CLUAP1: variants seen among roughly 807,000 people sequenced by gnomAD.
CLUAP1 encodes the protein clusterin-associated protein 1.
In CLUAP1, 50 loss-of-function variants were observed where a neutral mutation model predicts 55.0. The observed-to-expected ratio is 0.91, with a 90% CI of 0.72 to 1.15. CLUAP1 has a LOEUF of 1.15. CLUAP1 is among the 50% of genes most tolerant of loss of function. The pLI is 0.00. For missense variants in CLUAP1, 530 were observed against 507.6 expected, an observed-to-expected ratio of 1.04 and a Z score of -0.42; for synonymous variants, 195 against 175.4, an observed-to-expected ratio of 1.11 and a Z score of -0.88.
upstream of CLUAP1, chr16:3,500,974 G>C: frequency 1.5e-6 from 2 of 1,312,362 alleles, no homozygotes; most frequent in Non-Finnish European, 2.1e-6. Flanking sequence ...CCGTCCAAGG[G>C]TCCATTGGTT....
chr16:3,506,137 TGTTTTTCTTAG>T (rs1307251053), intron 2 of CLUAP1, among the ~76,000 whole-genome samples, 183 bp from the exon 3 acceptor site: 1 of 152,234 alleles, frequency 6.6e-6, no homozygotes, highest in Non-Finnish European at 1.5e-5. Flanking sequence ...TTTTGAAATC[TGTTTTTCTTAG>T]GTGGGGATTT....
intron 9 of CLUAP1, 30 bp downstream of exon 9, chr16:3,526,514 T>C: frequency 6.7e-7 from 1 of 1,486,952 alleles, no homozygotes; most frequent in Non-Finnish European, 9.2e-7. Context: ...ACGAGCAGTT[T>C]ACTCTGGACT....
intron 9 of CLUAP1, among the ~76,000 whole-genome samples, chr16:3,526,973 A>G (rs1261871613): frequency 6.6e-6 from 1 of 152,152 alleles, no homozygotes; most frequent in Non-Finnish European, 1.5e-5. Flanking sequence ...GATGGTCCCC[A>G]TGCTGCTGAG....
upstream of CLUAP1, among the ~76,000 whole-genome samples, chr16:3,496,993 C>A (rs1415144702): frequency 1.3e-5 from 2 of 151,792 alleles, no homozygotes; most frequent in African/African-American, 4.8e-5. Flanking sequence ...GCCTCGGCCT[C>A]CCCAGCAGGT....
At chr16:3,511,591 C>A (rs2037625982) in intron 4 of CLUAP1, among the ~76,000 whole-genome samples, 1 of 152,198 alleles carries the variant, frequency 6.6e-6, no homozygotes, top group Non-Finnish European at 1.5e-5. Flanking sequence ...CTCAGGCTGT[C>A]CCTTTGTGTG....
chr16:3,516,425 C>T (rs1311883289), intron 6 of CLUAP1, among the ~76,000 whole-genome samples: 1 of 152,158 alleles, frequency 6.6e-6, no homozygotes, highest in African/African-American at 2.4e-5. Context: ...GTCAGAGCCT[C>T]ACAGCGGGAG....
At chr16:3,501,784 CA>C (rs1209792145) in intron 1 of CLUAP1, among the ~76,000 whole-genome samples, 1 of 150,896 alleles carries the variant, frequency 6.6e-6, no homozygotes, top group Non-Finnish European at 1.5e-5. Flanking sequence ...AAACAAAAAA[CA>C]AACCAAAAAA....
At chr16:3,531,095 C>T (rs535934858) in intron 10 of CLUAP1, among the ~76,000 whole-genome samples, 18 of 152,316 alleles carry the variant, frequency 1.2e-4, no homozygotes, top group African/African-American at 9.6e-5. Context: ...GTGGTGCACA[C>T]CTTATTCCCA....
chr16:3,504,668 A>G, intron 1 of CLUAP1, 52 bp from the exon 2 acceptor site: 6 of 970,904 alleles, frequency 6.2e-6, no homozygotes, highest in Non-Finnish European at 8.4e-6. Flanking sequence ...TAAGTTAATA[A>G]GTAGTTGCTG....
At chr16:3,506,171 T>G (rs1016630818) in intron 2 of CLUAP1, among the ~76,000 whole-genome samples, 160 bp from the exon 3 acceptor site, 1 of 152,228 alleles carries the variant, frequency 6.6e-6, no homozygotes, top group African/African-American at 2.4e-5. Flanking sequence ...TCCCTTGGTA[T>G]TTGGTTTTGC....
At chr16:3,501,236 G>A (rs78624374) in intron 1 of CLUAP1, 147 bp downstream of exon 1, 29,120 of 799,502 alleles carry the variant, frequency 0.036, 767 homozygotes, top group Non-Finnish European at 0.047. Flanking sequence ...CGCCTGACCC[G>A]CGGCTGCAAC....
upstream of CLUAP1, chr16:3,496,236 G>C (rs972441015): frequency 3.2e-6 from 2 of 628,450 alleles, no homozygotes; most frequent in African/African-American, 3.7e-5. Context: ...AGGACCTAAA[G>C]GTTCGGCGCA....
At position 3,525,704 on chromosome 16, in the gene CLUAP1, A is replaced by G. The variant is rs140699519; in HGVS notation, c.856-708A>G. Among the ~76,000 whole-genome samples, 833 of 152,176 alleles carry G rather than the reference A, an allele frequency of 5.5e-3. 4 individuals are homozygous for G. The highest frequency in any genetic ancestry group is 0.019 in the African/African-American group (794 of 41,530). On this transcript the variant is annotated intron_variant, in intron 8 of 11. Transcript: ENST00000576634. ...CTCAGCTTCTTGAGTAGCTGGGACT[A>G]TAGGCACTTGCCACCATACCTGGCT...
In CLUAP1 at chr16:3,532,811, C is replaced by T. The variant is rs1433916218; in HGVS notation, c.1062C>T (p.Gly354=). 5 of 1,613,968 alleles carry T rather than the reference C, an allele frequency of 3.1e-6. No homozygotes were observed. In the African/African-American group the frequency reaches 6.7e-5, roughly 22 times the overall value. Residue 354 remains glycine (G), a synonymous_variant, in exon 11 of 12, where the codon GGC becomes GGT. Transcript: ENST00000576634. ...GAAGACCTGGCAAACGCATTGTGGG[C>T]ACGATGCAAGGTGGAGACTCCGATG... ...MQGRPGKRIV[G]TMQGGDSDDN...
intron 3 of CLUAP1, among the ~76,000 whole-genome samples, chr16:3,507,112 T>C (rs1436370668): frequency 1.3e-5 from 2 of 150,488 alleles, no homozygotes; most frequent in African/African-American, 2.4e-5. Context: ...AGGAGAATGG[T>C]GTGAACCTGG....
rs539778638 is a variant in CLUAP1, at chr16:3,521,635, A to G, written c.714-1523A>G. On this transcript the variant is annotated intron_variant, in intron 7 of 11. Transcript: ENST00000576634. ...TTTTTAGTAGAGACGGAGTTTCACC[A>G]TGTTGGCCAGGCTGGTCTTGAACTC... is the stretch of plus-strand genomic sequence containing the variant. 2.0e-3 allele frequency among the ~76,000 whole-genome samples: 310 copies of G among 152,082 alleles called. 4 individuals are homozygous for G. The highest frequency in any genetic ancestry group is 6.7e-3 in the African/African-American group (278 of 41,514).
chr16:3,519,851 A>T, intron 6 of CLUAP1, 52 bp from the exon 7 acceptor site: 1 of 1,535,836 alleles, frequency 6.5e-7, no homozygotes, highest in Non-Finnish European at 8.7e-7. Flanking sequence ...TCTAAGAATT[A>T]GGATGGCTGT....
intron 10 of CLUAP1, 47 bp downstream of exon 10, chr16:3,530,722 C>G (rs1334916725): frequency 6.8e-7 from 1 of 1,480,974 alleles, no homozygotes; most frequent in Non-Finnish European, 9.4e-7. Flanking sequence ...CCCTGTTTCA[C>G]AGAACACCTG....
Position 3,501,005 on chromosome 16 carries a change from CT to C in CLUAP1, c.-62del. 1.3e-5 allele frequency: 20 copies of C among 1,544,258 alleles called. No homozygotes were observed. Among genetic ancestry groups the C allele is most frequent in the Non-Finnish European group, 1.8e-5 (20 of 1,136,026 alleles). The stretch of plus-strand genomic sequence containing the variant: ...TGGTTGCCATAGAGATCGTCGAGCG[CT>C]GGGCCTGTGATCGCTGAGGGGCGAG... On this transcript the variant is annotated 5_prime_UTR_variant, in exon 1 of 12. Coordinates refer to ENST00000576634, the MANE Select transcript of CLUAP1 (RefSeq NM_015041.3).
Sources: allele counts gnomAD v4.1 joint callset (sites outside exome capture counted in the v4.1 genomes callset), GRCh38; gene constraint gnomAD v4.1.1; transcripts MANE v1.5; gene names NCBI Gene and HGNC (gene_info 2026-07-23, HGNC 2026-07-21).